The following DLG2 variants were observed in gnomAD, a reference collection of about 807,000 sequenced individuals.
DLG2 encodes disks large homolog 2.
Under a neutral mutation model 132.5 loss-of-function variants are expected in DLG2, and 45 were observed. That is an observed-to-expected ratio of 0.34 (90% CI 0.27 to 0.44). DLG2 has a LOEUF of 0.44. Among genes scored for constraint, DLG2 ranks in the 20% least tolerant of loss-of-function variants. The pLI, the probability that DLG2 is intolerant of heterozygous loss-of-function variation, is 1.00. For missense variants in DLG2, 1,045 were observed against 1,196.9 expected (o/e 0.87, Z 1.87); for synonymous variants, 424 against 419.6 (o/e 1.01, Z -0.13).
intron 8 of DLG2, among the ~76,000 whole-genome samples, chr11:84,213,299 G>C (rs1324105282): frequency 6.6e-6 from 1 of 152,060 alleles, no homozygotes; most frequent in African/African-American, 2.4e-5. Flanking sequence ...GTATGAGCCT[G>C]ACTTTGCTAG....
At chr11:84,215,127 T>C (rs997699335) in intron 8 of DLG2, among the ~76,000 whole-genome samples, 3 of 152,146 alleles carry the variant, frequency 2.0e-5, no homozygotes, top group African/African-American at 4.8e-5. Context: ...GTGTTGCTGG[T>C]GGAGTTAAGC....
intron 18 of DLG2, among the ~76,000 whole-genome samples, chr11:83,639,324 C>A (rs1416997409): frequency 6.6e-6 from 1 of 152,156 alleles, no homozygotes; most frequent in African/African-American, 2.4e-5. Flanking sequence ...TATGTTATGG[C>A]TGGCTGCATA....
intron 19 of DLG2, among the ~76,000 whole-genome samples, chr11:83,555,551 G>C (rs1340190277): frequency 6.6e-6 from 1 of 152,180 alleles, no homozygotes; most frequent in Non-Finnish European, 1.5e-5. Flanking sequence ...CTGTTTGTCA[G>C]TCTGTCTGTT....
intron 17 of DLG2, among the ~76,000 whole-genome samples, chr11:83,819,822 C>T (rs2050243798): frequency 6.6e-6 from 1 of 152,106 alleles, no homozygotes; most frequent in South Asian, 2.1e-4. Flanking sequence ...AATTATAGGT[C>T]AGTCCAACGT....
chr11:85,032,245 T>C (rs2154145257), intron 6 of DLG2, among the ~76,000 whole-genome samples: 1 of 152,302 alleles, frequency 6.6e-6, no homozygotes, highest in Middle Eastern at 3.4e-3. Flanking sequence ...ATCTTTCAAT[T>C]TCATTTTAAA....
intron 19 of DLG2, among the ~76,000 whole-genome samples, chr11:83,622,673 T>G (rs1213002758): frequency 6.6e-6 from 1 of 152,214 alleles, no homozygotes; most frequent in East Asian, 1.9e-4. Flanking sequence ...CCAAAAGCCA[T>G]TCAGGAGCAA....
At chr11:85,259,102 T>C (rs1418513994) in intron 4 of DLG2, among the ~76,000 whole-genome samples, 1 of 152,188 alleles carries the variant, frequency 6.6e-6, no homozygotes, top group African/African-American at 2.4e-5. Context: ...CCAAATCTCA[T>C]GTTGACTTGT....
intron 18 of DLG2, among the ~76,000 whole-genome samples, chr11:83,707,225 C>A (rs1395021384): frequency 6.6e-6 from 1 of 152,188 alleles, no homozygotes; most frequent in Non-Finnish European, 1.5e-5. Flanking sequence ...AGCATCCAAA[C>A]TTCTCCTATA....
Position 84,975,675 on chromosome 11 carries a change from C to T in DLG2, c.357+135986G>A, listed in dbSNP as rs1310530942. Among the ~76,000 whole-genome samples the T allele has an allele frequency of 2.0e-5, 3 of 152,182 alleles. 1 individual carries two copies. Among genetic ancestry groups the T allele is most frequent in the Admixed American group, 2.0e-4 (3 of 15,266 alleles). ...TTATTCATCAACACAATCTTAACTG[C>T]TACTCCCTATTAAGAAGAGGGGATA... is the stretch of plus-strand genomic sequence containing the variant. On this transcript the variant is annotated intron_variant, in intron 6 of 27. Coordinates refer to ENST00000376104, the MANE Select transcript of DLG2 (RefSeq NM_001142699.3).
chr11:83,558,307 AT>A (rs1405557786), intron 19 of DLG2, among the ~76,000 whole-genome samples: 10 of 152,182 alleles, frequency 6.6e-5, no homozygotes, highest in African/African-American at 2.4e-4. Flanking sequence ...ACTGTCAGAA[AT>A]TTAAAAAATT....
intron 19 of DLG2, among the ~76,000 whole-genome samples, chr11:83,625,963 T>C: frequency 6.6e-6 from 1 of 152,318 alleles, no homozygotes; most frequent in East Asian, 1.9e-4. Context: ...CTCTCACATT[T>C]GTGTAGGAAA....
intron 6 of DLG2, among the ~76,000 whole-genome samples, chr11:84,618,344 C>A (rs994838853): frequency 6.6e-6 from 1 of 152,048 alleles, no homozygotes; most frequent in Non-Finnish European, 1.5e-5. Context: ...TCCGTCATTA[C>A]AGCACACAAG....
chr11:85,405,312 A>G (rs900296938), intron 3 of DLG2, among the ~76,000 whole-genome samples: 3 of 152,020 alleles, frequency 2.0e-5, no homozygotes, highest in Non-Finnish European at 2.9e-5. Flanking sequence ...AGCAACTAAT[A>G]AACAAAAATG....
At chr11:84,081,611 A>T in intron 10 of DLG2, among the ~76,000 whole-genome samples, 1 of 152,090 alleles carries the variant, frequency 6.6e-6, no homozygotes, top group Non-Finnish European at 1.5e-5. Context: ...TTGCTCAGAA[A>T]GATGGTTTCA....
intron 6 of DLG2, among the ~76,000 whole-genome samples, chr11:84,989,815 A>G (rs1176847351): frequency 1.3e-5 from 2 of 152,200 alleles, no homozygotes; most frequent in Non-Finnish European, 2.9e-5. Flanking sequence ...TTATAGAAAT[A>G]GACTTACATG....
intron 6 of DLG2, among the ~76,000 whole-genome samples, chr11:84,857,756 C>T (rs1198117928): frequency 1.3e-5 from 2 of 152,040 alleles, no homozygotes; most frequent in Non-Finnish European, 2.9e-5. Context: ...TCTGTACTTT[C>T]ACATCTTGTC....
intron 6 of DLG2, among the ~76,000 whole-genome samples, chr11:84,767,009 C>T (rs149311812): frequency 1.3e-5 from 2 of 152,122 alleles, no homozygotes; most frequent in East Asian, 1.9e-4. Context: ...TGAATCTCAG[C>T]TTCAGCATTA....
At chr11:84,996,189 G>A (rs1429736359) in intron 6 of DLG2, among the ~76,000 whole-genome samples, 1 of 151,936 alleles carries the variant, frequency 6.6e-6, no homozygotes, top group African/African-American at 2.4e-5. Flanking sequence ...ACCTAAGTGT[G>A]AGTTTGTTTT....
At chr11:84,733,956 G>C (rs2063492200) in intron 6 of DLG2, among the ~76,000 whole-genome samples, 1 of 152,032 alleles carries the variant, frequency 6.6e-6, no homozygotes, top group Non-Finnish European at 1.5e-5. Flanking sequence ...GTAGATATGT[G>C]GTATTATTTC....
Sources: gnomAD v4.1 joint callset for allele counts (sites outside exome capture counted in the v4.1 genomes callset) on GRCh38, gnomAD v4.1.1 for gene constraint, MANE v1.5 for transcripts, NCBI Gene and HGNC (gene_info 2026-07-23, HGNC 2026-07-21) for gene names.